Variants in C1orf162 observed in about 807,000 individuals in gnomAD.
The protein encoded by C1orf162 is transmembrane protein C1orf162.
In C1orf162, 10 loss-of-function variants were observed where a neutral mutation model predicts 11.4. The observed-to-expected ratio is 0.88, with a 90% confidence interval of 0.54 to 1.48. C1orf162 has a LOEUF of 1.48. Among genes scored for constraint, C1orf162 ranks in the 40% most tolerant of loss-of-function variants. C1orf162 has a pLI of 0.00. For synonymous variants in C1orf162, 53 were observed against 55.0 expected (o/e 0.96, Z 0.16); for missense variants, 140 against 149.5 (o/e 0.94, Z 0.33).
At position 111,477,733 on chromosome 1, in the gene C1orf162, C is replaced by CA; in HGVS notation, c.212dup (p.Pro72AlafsTer41). 1 of 1,613,944 alleles carries CA rather than the reference C, an allele frequency of 6.2e-7. No individual in the cohort carries two copies. Among genetic ancestry groups the CA allele is most frequent in the Non-Finnish European group, 8.5e-7 (1 of 1,179,956 alleles). On this transcript the variant is annotated frameshift_variant, in exon 5 of 6. Transcript: ENST00000369718. LOFTEE classifies it low-confidence loss of function (END_TRUNC). ...TTTCTGGCACCATGGCAGATCACTC[C>CA]AAGCCCCAGGCCCCAGATCCTCACT...
In C1orf162 at chr1:111,476,550, AT is replaced by A. The variant is rs34481842; in HGVS notation, c.38-237del. Among the ~76,000 whole-genome samples the A allele has an allele frequency of 3.2e-3, 482 of 148,862 alleles. 2 individuals are homozygous for A. The highest frequency in any genetic ancestry group is 4.6e-3 in the African/African-American group (188 of 40,692). On this transcript the variant is annotated intron_variant, in intron 2 of 5. Coordinates refer to ENST00000369718, the MANE Select transcript of C1orf162 (RefSeq NM_001300834.2). ...ATCTTTGAGGAGAGCAACATATGAG[AT>A]TTTTTTTTTTAATCAAAGGAACACT...
chr1:111,475,807 C>A, intron 1 of C1orf162: 1 of 497,742 alleles, frequency 2.0e-6, no homozygotes. Context: ...ATTTCTGGAC[C>A]TGCAAACCTG....
chr1:111,476,131 A>G, intron 2 of C1orf162, 66 bp downstream of exon 2: 1 of 1,489,020 alleles, frequency 6.7e-7, no homozygotes, highest in African/African-American at 1.4e-5. Flanking sequence ...AATTGTGCTG[A>G]AGGGCTGTAA....
Position 111,478,216 on chromosome 1 carries a change from C to G in C1orf162, c.*93C>G, listed in dbSNP as rs939551879. The G allele has an allele frequency of 4.0e-6, 6 of 1,486,696 alleles. No homozygotes were observed. The highest frequency in any genetic ancestry group is 5.6e-6 in the Non-Finnish European group (6 of 1,075,404). 92.1% of individuals were successfully genotyped at this position (1,486,696 alleles called of 1,614,324 possible). On this transcript the variant is annotated 3_prime_UTR_variant, in exon 6 of 6. Coordinates refer to ENST00000369718, the MANE Select transcript of C1orf162 (RefSeq NM_001300834.2). ...CACTTTTTTACAAATTTTGGACCAC[C>G]ACCTGTGTGAAACTGCAGTCGGAGT... is the stretch of plus-strand genomic sequence containing the variant.
At chr1:111,474,931 A>G (rs1201410797) in intron 1 of C1orf162, 5 of 152,214 alleles carry the variant, frequency 3.3e-5, no homozygotes, top group African/African-American at 7.2e-5. Flanking sequence ...TTGTTTAAAG[A>G]AATGACCTTA....
chr1:111,478,058 T>C lies in C1orf162; in HGVS notation c.328T>C (p.Leu110=). The C allele has an allele frequency of 1.9e-6, 3 of 1,614,146 alleles. No individual in the cohort carries two copies. Among genetic ancestry groups the C allele is most frequent in the Non-Finnish European group, 2.5e-6 (3 of 1,179,988 alleles). Reference sequence around the variant, plus strand: ...ACTCTCAGAAGAAAAGAGCAATCACTTGGCTGAGAACCATTCTGCAGACTT... The same window carrying C: ...ACTCTCAGAAGAAAAGAGCAATCACCTGGCTGAGAACCATTCTGCAGACTT... The part of the protein sequence containing the change: ...FKLSEEKSNH[L]AENHSADFDP... Residue 110 remains leucine (L), a synonymous_variant, in exon 6 of 6, where the codon TTG becomes CTG. Coordinates refer to ENST00000369718, the MANE Select transcript of C1orf162 (RefSeq NM_001300834.2).
Position 111,477,885 on chromosome 1 carries a change from G to C in C1orf162, c.253-98G>C, listed in dbSNP as rs1654052765. ...GGTGGTATTGATTTCCAGACACTGG[G>C]CAAGTGATTCTTTGACCAAAGTGCT... On this transcript the variant is annotated intron_variant, in intron 5 of 5. Coordinates refer to ENST00000369718, the MANE Select transcript of C1orf162 (RefSeq NM_001300834.2). 4.4e-6 allele frequency: 7 copies of C among 1,595,072 alleles called. No homozygotes were observed. The Admixed American group carries it at 1.0e-4, about 23-fold the overall frequency.
intron 2 of C1orf162, among the ~76,000 whole-genome samples, chr1:111,476,313 C>T (rs552151448): frequency 1.3e-5 from 2 of 152,264 alleles, no homozygotes; most frequent in East Asian, 3.9e-4. Flanking sequence ...TCCTGCTCCC[C>T]TATTTGTGGT....
chr1:111,478,012 C>G lies in C1orf162; in HGVS notation c.282C>G (p.Thr94=), dbSNP rs1020057677. The stretch of plus-strand genomic sequence containing the variant: ...CATCCATCCCAGGGGAATCACTTAC[C>G]TATGCCAGCACAACTTTCAAACTCT... The part of the protein sequence containing the change: ...KLSSIPGESL[T]YASTTFKLSE... The change falls in exon 6 of 6, where the codon ACC becomes ACG. Residue 94 remains threonine, a synonymous_variant. Coordinates refer to ENST00000369718, the MANE Select transcript of C1orf162 (RefSeq NM_001300834.2). The G allele has an allele frequency of 3.1e-6, 5 of 1,614,126 alleles. No individual in the cohort carries two copies. The African/African-American group carries it at 6.7e-5, about 22-fold the overall frequency.
At chr1:111,475,278 G>A (rs1212169157) in intron 1 of C1orf162, 2 of 152,156 alleles carry the variant, frequency 1.3e-5, no homozygotes, top group Non-Finnish European at 2.9e-5. Context: ...AATATCTCAA[G>A]TAGCTTTTTA....
At chr1:111,477,259 A>C in intron 3 of C1orf162, 75 bp from the exon 4 acceptor site, 1 of 1,237,762 alleles carries the variant, frequency 8.1e-7, no homozygotes, top group South Asian at 1.2e-5. Context: ...ATCCATAGGC[A>C]GGAAAGGTTT....
intron 2 of C1orf162, 110 bp downstream of exon 2, chr1:111,476,175 G>T: frequency 9.2e-7 from 1 of 1,088,744 alleles, no homozygotes; most frequent in Non-Finnish European, 1.4e-6. Flanking sequence ...TTCTGAAACT[G>T]GAAGAATCCA....
chr1:111,477,430 T>C lies in C1orf162; in HGVS notation c.202+2T>C. On this transcript the variant is annotated splice_donor_variant, in intron 4 of 5. Coordinates refer to ENST00000369718, the MANE Select transcript of C1orf162 (RefSeq NM_001300834.2). LOFTEE classifies it high-confidence loss of function. Reference sequence around the variant, plus strand: ...TCATCATAAAGAGCTACAGAAAATGTAAGTGGTCTCCAAGGGATAGGACAG... The same window carrying C: ...TCATCATAAAGAGCTACAGAAAATGCAAGTGGTCTCCAAGGGATAGGACAG... The C allele has an allele frequency of 6.2e-7, 1 of 1,610,228 alleles. No individual in the cohort carries two copies. The highest frequency in any genetic ancestry group is 1.1e-5 in the South Asian group (1 of 90,992).
rs772597184 is a variant in C1orf162, at chr1:111,477,745, C to T, written c.222C>T (p.Ala74=). The change falls in exon 5 of 6, where the codon GCC becomes GCT. Residue 74 remains alanine (A), a synonymous_variant. Transcript: ENST00000369718. The stretch of plus-strand genomic sequence containing the variant: ...TGGCAGATCACTCCAAGCCCCAGGC[C>T]CCAGATCCTCACTCAGATCCTCCAG... ...SYRKYHSKPQ[A]PDPHSDPPAK... 9.9e-6 allele frequency: 16 copies of T among 1,613,908 alleles called. No individual in the cohort carries two copies. The highest frequency in any genetic ancestry group is 1.6e-4 in the Middle Eastern group (1 of 6,084).
chr1:111,475,690 A>G (rs1179868743), intron 1 of C1orf162: 2 of 247,450 alleles, frequency 8.1e-6, no homozygotes, highest in Non-Finnish European at 1.6e-5. Flanking sequence ...GATTGCACCA[A>G]CATGTACCTA....
rs760479552 is a variant in C1orf162, at chr1:111,478,319, T to C, written c.*196T>C. ...AGTCTTTTCCTGGCCAGAGGAAAGA[T>C]TGATGGCCCTCCCACTTGAACTGAC... On this transcript the variant is annotated 3_prime_UTR_variant, in exon 6 of 6. Coordinates refer to ENST00000369718, the MANE Select transcript of C1orf162 (RefSeq NM_001300834.2). 4.5e-6 allele frequency: 3 copies of C among 663,036 alleles called. No individual in the cohort carries two copies. The highest frequency in any genetic ancestry group is 2.8e-5 in the Admixed American group (1 of 35,478). The allele number at this position is 663,036 out of a possible 1,614,324, so 41.1% of individuals were successfully genotyped here.
At chr1:111,475,338 G>T (rs1440582246) in intron 1 of C1orf162, 1 of 152,208 alleles carries the variant, frequency 6.6e-6, no homozygotes, top group Non-Finnish European at 1.5e-5. Flanking sequence ...AAACATTAAT[G>T]AGTAGTAGGA....
chr1:111,477,238 T>G (rs1254306667), intron 3 of C1orf162, 96 bp from the exon 4 acceptor site: 2 of 1,081,214 alleles, frequency 1.8e-6, no homozygotes, highest in Non-Finnish European at 2.8e-6. Flanking sequence ...TGAAAACCAT[T>G]TCAGGAGTCC....
chr1:111,477,382 G>A lies in C1orf162; in HGVS notation c.156G>A (p.Leu52=). 6.2e-7 allele frequency: 1 copy of A among 1,614,088 alleles called. No individual in the cohort carries two copies. The highest frequency in any genetic ancestry group is 2.2e-5 in the East Asian group (1 of 44,882). The change falls in exon 4 of 6, where the codon CTG becomes CTA. Residue 52 remains leucine (L), a synonymous_variant. Transcript: ENST00000369718. The stretch of plus-strand genomic sequence containing the variant: ...TTTGTGCTGGGGTTCTACTGACACT[G>A]CTGCTGATAGCCTTTATCTTCCTCA... The part of the protein sequence containing the change: ...LAFCAGVLLT[L]LLIAFIFLII...
Sources: allele counts gnomAD v4.1 joint callset (sites outside exome capture counted in the v4.1 genomes callset), GRCh38; gene constraint gnomAD v4.1.1; transcripts MANE v1.5; gene names NCBI Gene and HGNC (gene_info 2026-07-23, HGNC 2026-07-21).